Variants in SLC28A1 observed in about 807,000 individuals in gnomAD.
SLC28A1 encodes sodium/nucleoside cotransporter 1.
SLC28A1 carries 64 observed loss-of-function variants against 74.8 expected under a neutral mutation model. The ratio of observed to expected loss-of-function variants is 0.86; its 90% CI spans 0.70 to 1.05. The LOEUF (loss-of-function observed/expected upper bound fraction) is 1.05. Ranked by LOEUF, SLC28A1 falls within the 50% of genes least tolerant of loss-of-function variation. SLC28A1 has a pLI of 0.00. For missense variants in SLC28A1, 828 were observed against 822.8 expected, an observed-to-expected ratio of 1.01 and a Z score of -0.08; for synonymous variants, 359 against 335.0, an observed-to-expected ratio of 1.07 and a Z score of -0.78.
At chr15:84,888,933 C>T in intron 4 of SLC28A1, 73 bp downstream of exon 4, 1 of 1,095,284 alleles carries the variant, frequency 9.1e-7, no homozygotes, top group Non-Finnish European at 1.4e-6. Context: ...GGAGCCGGGC[C>T]TCCTGGCGGA....
chr15:84,967,989 T>C, the SLC28A1 span, among the ~76,000 whole-genome samples: 3 of 152,048 alleles, frequency 2.0e-5, no homozygotes, highest in African/African-American at 7.2e-5. Flanking sequence ...TCTGGTCCAC[T>C]GTTGGTTGGT....
At chr15:84,892,221 A>G (rs1965443695) in intron 5 of SLC28A1, among the ~76,000 whole-genome samples, 1 of 152,194 alleles carries the variant, frequency 6.6e-6, no homozygotes, top group South Asian at 2.1e-4. Flanking sequence ...ATTTTAAAAA[A>G]AGAAAAAGGA....
intron 12 of SLC28A1, among the ~76,000 whole-genome samples, chr15:84,928,543 T>G (rs868408052): frequency 0.25 from 5,427 of 21,850 alleles, 1,411 homozygotes; most frequent in South Asian, 0.28. Flanking sequence ...TCTTTCTTTC[T>G]TTCTTTCTTT....
chr15:84,948,150 C>T (rs1442140791), downstream of SLC28A1, among the ~76,000 whole-genome samples: 2 of 152,130 alleles, frequency 1.3e-5, no homozygotes, highest in Non-Finnish European at 2.9e-5. Context: ...CCCTTTCTTC[C>T]CATGGCCCTG....
chr15:84,942,287 T>C (rs1335454325), intron 15 of SLC28A1, among the ~76,000 whole-genome samples: 1 of 152,180 alleles, frequency 6.6e-6, no homozygotes, highest in Admixed American at 6.5e-5. Context: ...TTACAAACAA[T>C]CCAATTATAC....
At position 84,937,003 on chromosome 15, in the gene SLC28A1, G is replaced by C. The variant is rs1461480180; in HGVS notation, c.1581+1485G>C. Among the ~76,000 whole-genome samples, 13 of 151,542 alleles carry C rather than the reference G, an allele frequency of 8.6e-5. No individual in the cohort carries two copies. In the East Asian group the frequency reaches 2.5e-3, roughly 29 times the overall value. On this transcript the variant is annotated intron_variant, in intron 15 of 18. Coordinates refer to ENST00000394573, the MANE Select transcript of SLC28A1 (RefSeq NM_004213.5). ...AGGAGTTTGAGGCTGTAGTGAGCTA[G>C]GATTGCATCACTGCACTCCAGCCTG... is the stretch of plus-strand genomic sequence containing the variant.
At chr15:84,957,559 G>C in the SLC28A1 span, among the ~76,000 whole-genome samples, 3 of 152,184 alleles carry the variant, frequency 2.0e-5, no homozygotes, top group Admixed American at 1.3e-4. Context: ...GAGCCACCAT[G>C]CCTGGCCGAC....
downstream of SLC28A1, among the ~76,000 whole-genome samples, chr15:84,950,358 CCTTTTTTTTT>C (rs1157212831): frequency 6.1e-4 from 63 of 102,972 alleles, no homozygotes; most frequent in Admixed American, 1.1e-3. Context: ...TCGCCAGTCT[CCTTTTTTTTT>C]TTTTTTTTTT....
At chr15:84,944,468 G>A in intron 16 of SLC28A1, 98 bp from the exon 17 acceptor site, 1 of 799,324 alleles carries the variant, frequency 1.3e-6, no homozygotes, top group South Asian at 1.4e-5. Context: ...TCTATTAATA[G>A]AAGAGGAAGG....
chr15:84,915,919 C>G (rs1969012599), intron 9 of SLC28A1, among the ~76,000 whole-genome samples: 1 of 150,888 alleles, frequency 6.6e-6, no homozygotes, highest in South Asian at 2.1e-4. Context: ...CATCCACCAG[C>G]CACCTCAACC....
In SLC28A1 at chr15:84,921,026, C is replaced by A; in HGVS notation, c.914C>A (p.Ala305Asp). Residue 305 changes from alanine to aspartate, a missense_variant, in exon 11 of 19, where the codon GCC (alanine) becomes GAC (aspartate). Ala to Asp is a moderately radical substitution (Grantham distance 126). Transcript: ENST00000394573. ...ATGCAAGTCACCATGGGCACCACAG[C>A]CACTGAGACCCTGAGTGTGGCTGGA... ...WLMQVTMGTTATETLSVAGNI... is the reference protein window; with the variant it reads ...WLMQVTMGTTDTETLSVAGNI... The A allele has an allele frequency of 3.1e-6, 5 of 1,614,070 alleles. No homozygotes were observed. Among genetic ancestry groups the A allele is most frequent in the Middle Eastern group, 1.7e-4 (1 of 6,060 alleles).
intron 18 of SLC28A1, 45 bp downstream of exon 18, chr15:84,944,912 G>A: frequency 7.2e-7 from 1 of 1,394,164 alleles, no homozygotes; most frequent in South Asian, 1.2e-5. Context: ...CACAGTGATA[G>A]ACAGAATGCC....
chr15:84,886,797 A>G lies in SLC28A1; in HGVS notation c.-17+10A>G, dbSNP rs1294242946. ...TGTTAACCGCAAATACGTGAGTAGAAACAGGGCCCCGCTTCTGTGTGCGCT... is the reference window on the plus strand; with the variant it reads ...TGTTAACCGCAAATACGTGAGTAGAGACAGGGCCCCGCTTCTGTGTGCGCT... On this transcript the variant is annotated intron_variant, in intron 2 of 18. Coordinates refer to ENST00000394573, the MANE Select transcript of SLC28A1 (RefSeq NM_004213.5). 1.0e-6 allele frequency: 1 copy of G among 983,360 alleles called. No individual in the cohort carries two copies. The allele number at this position is 983,360 out of a possible 1,614,324, so 60.9% of individuals were successfully genotyped here.
intron 10 of SLC28A1, among the ~76,000 whole-genome samples, chr15:84,920,296 A>C (rs1403061529): frequency 6.6e-6 from 1 of 152,120 alleles, no homozygotes; most frequent in African/African-American, 2.4e-5. Flanking sequence ...AAATACAAAA[A>C]TTAGCCGGGC....
the SLC28A1 span, among the ~76,000 whole-genome samples, chr15:84,958,321 G>A: frequency 2.0e-5 from 3 of 152,128 alleles, no homozygotes; most frequent in Non-Finnish European, 4.4e-5. Context: ...GTCACCCTGG[G>A]ACTTGCTTAC....
chr15:84,898,358 C>T (rs1472952079), intron 6 of SLC28A1, among the ~76,000 whole-genome samples: 1 of 152,072 alleles, frequency 6.6e-6, no homozygotes, highest in Non-Finnish European at 1.5e-5. Context: ...GTGGGTAGAT[C>T]ACGAGGTCAG....
chr15:84,886,103 A>C, intron 1 of SLC28A1: 3 of 982,858 alleles, frequency 3.1e-6, no homozygotes, highest in Non-Finnish European at 3.6e-6. Context: ...TAAAGCATTC[A>C]GCCCTTCGCT....
At chr15:84,914,463 G>A (rs1968796318) in intron 9 of SLC28A1, among the ~76,000 whole-genome samples, 1 of 152,190 alleles carries the variant, frequency 6.6e-6, no homozygotes, top group South Asian at 2.1e-4. Flanking sequence ...CTCCCAAGGG[G>A]CATGGCAGGA....
chr15:84,922,497 T>C lies in SLC28A1; in HGVS notation c.957+1428T>C, dbSNP rs1446736352. On this transcript the variant is annotated intron_variant, in intron 11 of 18. Transcript: ENST00000394573. ...CAATCTATCAGCATTCCCACAGCGCTGCCTCTGTGGCCCATCTACAACCCC... is the reference window on the plus strand; with the variant it reads ...CAATCTATCAGCATTCCCACAGCGCCGCCTCTGTGGCCCATCTACAACCCC... Among the ~76,000 whole-genome samples, 21 of 152,194 alleles carry C rather than the reference T, an allele frequency of 1.4e-4. 1 individual carries two copies. The highest frequency in any genetic ancestry group is 1.5e-5 in the Non-Finnish European group (1 of 68,030).
Sources: allele counts gnomAD v4.1 joint callset (sites outside exome capture counted in the v4.1 genomes callset), GRCh38; gene constraint gnomAD v4.1.1; transcripts MANE v1.5; gene names NCBI Gene and HGNC (gene_info 2026-07-23, HGNC 2026-07-21).